Variants in TRHDE observed in about 807,000 individuals in gnomAD.
TRHDE encodes the protein thyrotropin-releasing hormone-degrading ectoenzyme.
Under a neutral mutation model 125.7 loss-of-function variants are expected in TRHDE, and 72 were observed. The observed-to-expected ratio is 0.57, with a 90% confidence interval of 0.47 to 0.70. The LOEUF is 0.70. Ranked by LOEUF, TRHDE falls within the 30% of genes least tolerant of loss-of-function variation. The probability of loss-of-function intolerance (pLI) is 0.00; values close to 1 mark genes in which losing one functional copy is unlikely to be tolerated. For missense variants in TRHDE, 1,110 were observed against 1,327.1 expected, an observed-to-expected ratio of 0.84 and a Z score of 2.54; for synonymous variants, 509 against 509.1, an observed-to-expected ratio of 1.00 and a Z score of 0.00.
Position 72,178,759 on chromosome 12 carries a change from G to A in TRHDE, n.279+73007G>A, listed in dbSNP as rs148903489. On this transcript the variant is annotated intron_variant and non_coding_transcript_variant, in intron 2 of 4. Coordinates refer to the TRHDE transcript ENST00000548156. ...CATAAGAAGAATATTTCTAACTCCA[G>A]TACAAGATATTATAATGTATTTGGC... 6.8e-4 allele frequency among the ~76,000 whole-genome samples: 104 copies of A among 152,172 alleles called. 1 individual carries two copies. The East Asian group carries it at 0.016, about 24-fold the overall frequency.
chr12:72,191,006 T>C (rs1274045051), intron 2 of TRHDE, among the ~76,000 whole-genome samples: 1 of 152,238 alleles, frequency 6.6e-6, no homozygotes, highest in Admixed American at 6.5e-5. Context: ...TATTTCTGCA[T>C]GCACTATAAC....
At chr12:72,140,700 A>G (rs1876092301) in intron 2 of TRHDE, among the ~76,000 whole-genome samples, 1 of 152,194 alleles carries the variant, frequency 6.6e-6, no homozygotes. Flanking sequence ...GTGGCAGAGT[A>G]TGTTAAGGAG....
At chr12:72,090,191 G>C (rs1874757965) in intron 1 of TRHDE, among the ~76,000 whole-genome samples, 1 of 152,122 alleles carries the variant, frequency 6.6e-6, no homozygotes, top group African/African-American at 2.4e-5. Flanking sequence ...AGGTGTCTTA[G>C]GGAGAGCATA....
intron 7 of TRHDE, among the ~76,000 whole-genome samples, chr12:72,549,565 T>A (rs1480641003): frequency 6.6e-6 from 1 of 151,826 alleles, no homozygotes. Flanking sequence ...GGTTAATAAC[T>A]TGAAAATAAT....
At chr12:72,225,688 G>T (rs980169035) in intron 2 of TRHDE, among the ~76,000 whole-genome samples, 1 of 152,134 alleles carries the variant, frequency 6.6e-6, no homozygotes, top group African/African-American at 2.4e-5. Context: ...CATTCTCCTT[G>T]GGAGGTGGGA....
At chr12:72,227,579 C>T (rs941109679) in intron 2 of TRHDE, among the ~76,000 whole-genome samples, 11 of 152,162 alleles carry the variant, frequency 7.2e-5, no homozygotes, top group Non-Finnish European at 1.2e-4. Context: ...TCCCAAACCT[C>T]ATGTCCTCAC....
In TRHDE at chr12:72,273,786, A is replaced by C; in HGVS notation, c.914+229A>C. 1 of 530,528 alleles carries C rather than the reference A, an allele frequency of 1.9e-6. No individual in the cohort carries two copies. Among genetic ancestry groups the C allele is most frequent in the Non-Finnish European group, 3.4e-6 (1 of 296,906 alleles). 32.9% of individuals were successfully genotyped at this position (530,528 alleles called of 1,614,324 possible). On this transcript the variant is annotated intron_variant, in intron 1 of 18. Coordinates refer to ENST00000261180, the MANE Select transcript of TRHDE (RefSeq NM_013381.3). The surrounding 1 kb of genome is among the most constrained non-coding windows in gnomAD (Gnocchi z 5.3). Reference sequence around the variant, plus strand: ...CTGACTCACCGGTGCCAAAAGATGAATGCTGCCCCCTCCTCTAGTCGGGAC... The same window carrying C: ...CTGACTCACCGGTGCCAAAAGATGACTGCTGCCCCCTCCTCTAGTCGGGAC...
chr12:72,133,111 C>A (rs1279489597), intron 2 of TRHDE, among the ~76,000 whole-genome samples: 1 of 152,106 alleles, frequency 6.6e-6, no homozygotes, highest in African/African-American at 2.4e-5. Flanking sequence ...ACATTGAAAG[C>A]TTTTGTAAGT....
At chr12:72,168,316 A>G (rs1876797124) in intron 2 of TRHDE, among the ~76,000 whole-genome samples, 1 of 152,200 alleles carries the variant, frequency 6.6e-6, no homozygotes, top group East Asian at 1.9e-4. Flanking sequence ...TTTAGATGAT[A>G]CCAATCAGAA....
chr12:72,620,265 C>A (rs1413186464), intron 13 of TRHDE, among the ~76,000 whole-genome samples: 1 of 148,466 alleles, frequency 6.7e-6, no homozygotes, highest in African/African-American at 2.5e-5. Flanking sequence ...TGTTTGTATT[C>A]CTTGGCAAAA....
intron 2 of TRHDE, among the ~76,000 whole-genome samples, chr12:72,239,391 T>G (rs1394745301): frequency 1.3e-5 from 2 of 152,248 alleles, no homozygotes; most frequent in African/African-American, 4.8e-5. Flanking sequence ...TTTAGTTTAA[T>G]TAGACCCCAT....
In TRHDE at chr12:72,639,819, G is replaced by GT. The variant is rs563535654; in HGVS notation, c.2676-12502dup. ...GCCTCCCATTTAGGCTGCTCGGGGGGTCAGCAGTCAGGGACCCACTTGAGG... is the reference window on the plus strand; with the variant it reads ...GCCTCCCATTTAGGCTGCTCGGGGGGTTCAGCAGTCAGGGACCCACTTGAGG... On this transcript the variant is annotated intron_variant, in intron 15 of 18. Coordinates refer to ENST00000261180, the MANE Select transcript of TRHDE (RefSeq NM_013381.3). Among the ~76,000 whole-genome samples, 726 of 152,306 alleles carry GT rather than the reference G, an allele frequency of 4.8e-3. 3 individuals are homozygous for GT. Among genetic ancestry groups the GT allele is most frequent in the African/African-American group, 0.016 (684 of 41,568 alleles).
At chr12:72,227,539 G>T (rs1878158510) in intron 2 of TRHDE, among the ~76,000 whole-genome samples, 1 of 152,118 alleles carries the variant, frequency 6.6e-6, no homozygotes, top group South Asian at 2.1e-4. Flanking sequence ...GGGGGACACA[G>T]CCAAACAATA....
In TRHDE at chr12:72,539,254, T is replaced by G. The variant is rs202157891; in HGVS notation, c.1723-3037T>G. The stretch of plus-strand genomic sequence containing the variant: ...TTGCATCTCATCTCACTTATGAGAT[T>G]TTGAAATCCTCAAAGACAGAGACTT... On this transcript the variant is annotated intron_variant, in intron 6 of 18. Coordinates refer to ENST00000261180, the MANE Select transcript of TRHDE (RefSeq NM_013381.3). 1.4e-4 allele frequency among the ~76,000 whole-genome samples: 21 copies of G among 152,060 alleles called. No homozygotes were observed. In the East Asian group the frequency reaches 3.7e-3, roughly 27 times the overall value.
chr12:72,261,804 G>T (rs1878956635), intron 2 of TRHDE, among the ~76,000 whole-genome samples: 1 of 152,092 alleles, frequency 6.6e-6, no homozygotes, highest in Admixed American at 6.5e-5. Flanking sequence ...TCAATAGCCT[G>T]GGAATTGAAA....
chr12:72,335,114 A>G (rs1286361852), intron 2 of TRHDE, among the ~76,000 whole-genome samples: 1 of 152,190 alleles, frequency 6.6e-6, no homozygotes, highest in Admixed American at 6.5e-5. Context: ...AAGGGTGACT[A>G]TGCCCTGCTT....
chr12:72,390,973 T>C (rs1057130603), intron 3 of TRHDE, among the ~76,000 whole-genome samples: 6 of 152,150 alleles, frequency 3.9e-5, no homozygotes, highest in African/African-American at 1.2e-4. Flanking sequence ...GCACGTCGTA[T>C]AAAATTCAAC....
intron 6 of TRHDE, among the ~76,000 whole-genome samples, chr12:72,539,981 T>G (rs1869059771): frequency 6.6e-6 from 1 of 151,790 alleles, no homozygotes; most frequent in Non-Finnish European, 1.5e-5. Flanking sequence ...AACAAATGTT[T>G]TAAAGGCATG....
intron 2 of TRHDE, among the ~76,000 whole-genome samples, chr12:72,149,148 G>T (rs2139319650): frequency 6.6e-6 from 1 of 151,988 alleles, no homozygotes; most frequent in East Asian, 1.9e-4. Flanking sequence ...TTTGAGTTTA[G>T]ATTAGACTAT....
Sources: gnomAD v4.1 joint callset for allele counts (sites outside exome capture counted in the v4.1 genomes callset) on GRCh38, gnomAD v4.1.1 for gene constraint, Gnocchi (gnomAD v3.1) non-coding constraint, MANE v1.5 for transcripts, NCBI Gene and HGNC (gene_info 2026-07-23, HGNC 2026-07-21) for gene names.